Variants in CADPS2 observed in about 807,000 individuals in gnomAD.
The protein encoded by CADPS2 is calcium-dependent secretion activator 2.
In CADPS2, 93 loss-of-function variants were observed where a neutral mutation model predicts 172.5. The ratio of observed to expected loss-of-function variants is 0.54; its 90% confidence interval spans 0.46 to 0.64. The LOEUF is 0.64. Ranked by LOEUF, CADPS2 falls within the 30% of genes least tolerant of loss-of-function variation. CADPS2 has a pLI of 0.00. For synonymous variants in CADPS2, 546 were observed against 555.2 expected (o/e 0.98, Z 0.23); for missense variants, 1,420 against 1,565.9 (o/e 0.91, Z 1.57).
chr7:122,701,994 G>C (rs1461706330), intron 2 of CADPS2: 4 of 1,613,504 alleles, frequency 2.5e-6, no homozygotes, highest in South Asian at 1.1e-5. Context: ...TCTTCATTTA[G>C]GTCTAATTCC....
chr7:122,474,615 A>G, intron 12 of CADPS2, 98 bp from the exon 13 acceptor site: 1 of 1,112,440 alleles, frequency 9.0e-7, no homozygotes, highest in South Asian at 1.5e-5. Context: ...CTCAAGCAGA[A>G]GACTACCTTT....
intron 15 of CADPS2, among the ~76,000 whole-genome samples, chr7:122,444,220 T>C (rs2051801085): frequency 6.6e-6 from 1 of 152,182 alleles, no homozygotes; most frequent in Non-Finnish European, 1.5e-5. Context: ...TCCTTGCTGA[T>C]GGCCATTTGG....
intron 1 of CADPS2, among the ~76,000 whole-genome samples, chr7:122,781,473 T>C (rs1386714756): frequency 6.6e-6 from 1 of 152,192 alleles, no homozygotes; most frequent in Non-Finnish European, 1.5e-5. Context: ...TCTTATCCCA[T>C]TTATACTTCA....
chr7:122,552,827 T>C (rs570279083), intron 8 of CADPS2, among the ~76,000 whole-genome samples: 2 of 151,034 alleles, frequency 1.3e-5, no homozygotes, highest in South Asian at 2.1e-4. Flanking sequence ...AAAAAGGGAC[T>C]GAGTGAAAAA....
At chr7:122,423,718 A>G (rs2048809542) in intron 17 of CADPS2, among the ~76,000 whole-genome samples, 2 of 152,134 alleles carry the variant, frequency 1.3e-5, no homozygotes, top group Admixed American at 1.3e-4. Context: ...TGGCTTAAGC[A>G]TGCATCAGAA....
At chr7:122,710,049 TA>T (rs34082235) in intron 2 of CADPS2, among the ~76,000 whole-genome samples, 18,537 of 93,370 alleles carry the variant, frequency 0.2, 1,280 homozygotes, top group South Asian at 0.37. Flanking sequence ...TAAAGTATAA[TA>T]AAAAAAAAAA....
intron 8 of CADPS2, among the ~76,000 whole-genome samples, chr7:122,549,960 A>T (rs2064050244): frequency 6.6e-6 from 1 of 152,180 alleles, no homozygotes; most frequent in Non-Finnish European, 1.5e-5. Flanking sequence ...CCCCTAAATT[A>T]GTTGGAGATC....
intron 8 of CADPS2, 57 bp from the exon 9 acceptor site, chr7:122,513,372 T>A (rs2060138184): frequency 7.6e-7 from 1 of 1,312,364 alleles, no homozygotes; most frequent in African/African-American, 1.5e-5. Context: ...TGTGCTTCCA[T>A]GTAATCACAT....
At chr7:122,620,723 T>A (rs911609140) in intron 5 of CADPS2, among the ~76,000 whole-genome samples, 15 of 152,304 alleles carry the variant, frequency 9.8e-5, no homozygotes, top group Non-Finnish European at 4.4e-5. Flanking sequence ...TACCTAATAA[T>A]GTGCATTAGA....
At chr7:122,588,535 T>A (rs1020622412) in intron 6 of CADPS2, among the ~76,000 whole-genome samples, 2 of 151,996 alleles carry the variant, frequency 1.3e-5, no homozygotes, top group African/African-American at 2.4e-5. Context: ...TTATCCTTCT[T>A]AAAATTTAGC....
chr7:122,559,343 G>A (rs1049242582), intron 7 of CADPS2, among the ~76,000 whole-genome samples: 4 of 152,062 alleles, frequency 2.6e-5, no homozygotes. Context: ...CCCCAAGCTT[G>A]GCTGTTCAAC....
chr7:122,416,568 G>A (rs565698089), intron 17 of CADPS2, among the ~76,000 whole-genome samples: 1 of 152,196 alleles, frequency 6.6e-6, no homozygotes, highest in Non-Finnish European at 1.5e-5. Flanking sequence ...CAAAACCCAT[G>A]CTTTTTTGTT....
At chr7:122,468,446 T>G (rs144491195) in intron 14 of CADPS2, among the ~76,000 whole-genome samples, 155 of 152,296 alleles carry the variant, frequency 1.0e-3, no homozygotes, top group African/African-American at 3.7e-3. Flanking sequence ...AGGAATATAA[T>G]TACATACACA....
chr7:122,812,836 T>G (rs1800359456), intron 1 of CADPS2, among the ~76,000 whole-genome samples: 1 of 152,148 alleles, frequency 6.6e-6, no homozygotes, highest in Admixed American at 6.5e-5. Flanking sequence ...ATTACTACCA[T>G]TACAGCCATT....
intron 9 of CADPS2, among the ~76,000 whole-genome samples, chr7:122,494,972 G>A (rs2058621765): frequency 6.6e-6 from 1 of 151,878 alleles, no homozygotes; most frequent in South Asian, 2.1e-4. Flanking sequence ...GGGGGTAAGG[G>A]TTAAGGGGTT....
intron 1 of CADPS2, among the ~76,000 whole-genome samples, chr7:122,809,811 G>T (rs1379352940): frequency 1.3e-5 from 2 of 152,070 alleles, no homozygotes; most frequent in African/African-American, 2.4e-5. Flanking sequence ...ACCCTCATAG[G>T]GTAAGAGCTT....
chr7:122,402,613 C>A (rs1196006734), intron 20 of CADPS2, among the ~76,000 whole-genome samples: 1 of 152,150 alleles, frequency 6.6e-6, no homozygotes, highest in Non-Finnish European at 1.5e-5. Flanking sequence ...AGTTTTCAAG[C>A]CACTAATTAA....
At chr7:122,684,588 T>C (rs2083429438) in intron 2 of CADPS2, among the ~76,000 whole-genome samples, 1 of 152,176 alleles carries the variant, frequency 6.6e-6, no homozygotes. Flanking sequence ...TTTTATATTT[T>C]ATAAAATATT....
rs1394932678 is a variant in CADPS2, at chr7:122,380,654, A to T, written c.3313-1212T>A. Among the ~76,000 whole-genome samples, 8 of 152,212 alleles carry T rather than the reference A, an allele frequency of 5.3e-5. No individual in the cohort carries two copies. The East Asian group carries it at 1.2e-3, about 22-fold the overall frequency. ...GGAAGGATAATTTTGGAGTGTCTGA[A>T]TTATTTTCTTTTTCTGTGTGAGTCT... On this transcript the variant is annotated intron_variant, in intron 24 of 29. Coordinates refer to ENST00000449022, the MANE Select transcript of CADPS2 (RefSeq NM_017954.11).
Sources: allele counts gnomAD v4.1 joint callset (sites outside exome capture counted in the v4.1 genomes callset), GRCh38; gene constraint gnomAD v4.1.1; transcripts MANE v1.5; gene names NCBI Gene and HGNC (gene_info 2026-07-23, HGNC 2026-07-21).